Variants in MGAT4C observed in about 807,000 individuals in gnomAD.
The protein encoded by MGAT4C is MGAT4 family member C.
A neutral mutation model predicts 40.1 loss-of-function variants in MGAT4C; 19 were observed. The ratio of observed to expected loss-of-function variants is 0.47; its 90% CI spans 0.33 to 0.70. The LOEUF (loss-of-function observed/expected upper bound fraction) is 0.70, where lower values mean the gene tolerates loss of function less well. Among genes scored for constraint, MGAT4C ranks in the 30% least tolerant of loss-of-function variants. MGAT4C has a pLI of 0.02. For synonymous variants in MGAT4C, 181 were observed against 187.1 expected, an observed-to-expected ratio of 0.97 and a Z score of 0.27; for missense variants, 491 against 563.2, an observed-to-expected ratio of 0.87 and a Z score of 1.30.
chr12:86,801,860 G>A (rs115887792), intron 1 of MGAT4C, among the ~76,000 whole-genome samples: 105 of 124,806 alleles, frequency 8.4e-4, no homozygotes, highest in African/African-American at 2.6e-3. Context: ...AAAATGTTAA[G>A]GGAAATATTT....
chr12:86,805,540 C>G (rs1414974989), intron 1 of MGAT4C, among the ~76,000 whole-genome samples: 3 of 151,922 alleles, frequency 2.0e-5, no homozygotes, highest in Non-Finnish European at 4.4e-5. Context: ...CTGCAAAGGG[C>G]ATAGTTTTTT....
chr12:86,230,168 C>A (rs1188591855), intron 1 of MGAT4C, among the ~76,000 whole-genome samples: 2 of 152,026 alleles, frequency 1.3e-5, no homozygotes, highest in East Asian at 3.9e-4. Flanking sequence ...TAAAAAAGCA[C>A]TAAAAATGGT....
intron 3 of MGAT4C, among the ~76,000 whole-genome samples, chr12:86,371,104 G>A (rs369158753): frequency 2.0e-5 from 3 of 151,994 alleles, no homozygotes; most frequent in East Asian, 3.9e-4. Flanking sequence ...ACATGCCTTG[G>A]GTTAGTATTA....
intron 1 of MGAT4C, among the ~76,000 whole-genome samples, chr12:86,206,548 G>A (rs1015811176): frequency 6.6e-6 from 1 of 151,996 alleles, no homozygotes; most frequent in Non-Finnish European, 1.5e-5. Flanking sequence ...TTGTTTTCCT[G>A]TATTCCTTTC....
chr12:86,742,319 G>A (rs2136131424), intron 1 of MGAT4C, among the ~76,000 whole-genome samples: 1 of 151,570 alleles, frequency 6.6e-6, no homozygotes, highest in Non-Finnish European at 1.5e-5. Context: ...TGCATGTTCA[G>A]TATTTGTAGA....
At chr12:86,316,079 C>CAAAAAAAAAAAAAAAAAAAAAA (rs71076185) in intron 4 of MGAT4C, among the ~76,000 whole-genome samples, 2 of 34,062 alleles carry the variant, frequency 5.9e-5, no homozygotes, top group Non-Finnish European at 1.0e-4. Context: ...ATACAAGCAG[C>CAAAAAAAAAAAAAAAAAAAAAA]AAAAAAAAAA....
chr12:86,743,286 T>C (rs1440529409), intron 1 of MGAT4C, among the ~76,000 whole-genome samples: 2 of 151,608 alleles, frequency 1.3e-5, no homozygotes, highest in Non-Finnish European at 3.0e-5. Context: ...TAAAACTTTT[T>C]TAACATTAGA....
intron 3 of MGAT4C, among the ~76,000 whole-genome samples, chr12:86,434,432 A>T (rs1254370687): frequency 6.6e-6 from 1 of 151,902 alleles, no homozygotes; most frequent in Admixed American, 6.6e-5. Context: ...GTACTTATAT[A>T]CATGTGTATA....
At position 85,977,780 on chromosome 12, in the gene MGAT4C, T is replaced by TCACACACA. The variant is rs58212652; in HGVS notation, c.*1501_*1508dup. 15 of 128,554 alleles carry TCACACACA rather than the reference T, an allele frequency of 1.2e-4. No individual in the cohort carries two copies. The highest frequency in any genetic ancestry group is 2.8e-4 in the South Asian group (1 of 3,626). The allele number at this position is 128,554 out of a possible 1,614,324, so 8.0% of individuals were successfully genotyped here. On this transcript the variant is annotated 3_prime_UTR_variant, in exon 5 of 5. Transcript: ENST00000611864. ...TGTCTTACCAGCAAAAGTCTAGCCT[T>TCACACACA]CACACACACACACACACACACACAC... is the stretch of plus-strand genomic sequence containing the variant.
intron 3 of MGAT4C, among the ~76,000 whole-genome samples, chr12:86,378,915 T>C (rs1362700210): frequency 2.6e-5 from 4 of 152,134 alleles, no homozygotes; most frequent in Non-Finnish European, 4.4e-5. Context: ...TCTGCTATCT[T>C]TTGCCTGGTG....
intron 1 of MGAT4C, among the ~76,000 whole-genome samples, chr12:86,804,830 C>G (rs1012875387): frequency 3.9e-5 from 6 of 151,958 alleles, no homozygotes; most frequent in Middle Eastern, 3.4e-3. Context: ...AGAATAAATT[C>G]ACAATGTTTA....
chr12:86,034,300 A>T lies in MGAT4C; in HGVS notation c.-7+15374T>A, dbSNP rs367932982. Among the ~76,000 whole-genome samples, 1,100 of 149,596 alleles carry T rather than the reference A, an allele frequency of 7.4e-3. 33 individuals are homozygous for T. The highest frequency in any genetic ancestry group is 0.025 in the African/African-American group (1,023 of 41,326). ...TTAGGAAGGAGTCCCTTCTCTTCAA[A>T]TTTTTGGAATAGTTTCAGAAGGAAT... On this transcript the variant is annotated intron_variant, in intron 2 of 4. Coordinates refer to ENST00000611864, the MANE Select transcript of MGAT4C (RefSeq NM_001351288.2).
At chr12:86,481,733 C>T (rs2406156) in intron 2 of MGAT4C, among the ~76,000 whole-genome samples, 137,267 of 151,920 alleles carry the variant, frequency 0.9, 62,144 homozygotes, top group East Asian at 1. Flanking sequence ...AGTTTCTTTT[C>T]AACTAAAATG....
intron 4 of MGAT4C, among the ~76,000 whole-genome samples, chr12:86,305,189 C>T (rs181068134): frequency 4.7e-5 from 7 of 150,466 alleles, no homozygotes; most frequent in African/African-American, 1.8e-4. Context: ...TCTGGAATTC[C>T]AGCACTTTGG....
chr12:86,091,435 C>G (rs986083692), intron 1 of MGAT4C, among the ~76,000 whole-genome samples: 1 of 151,938 alleles, frequency 6.6e-6, no homozygotes, highest in Non-Finnish European at 1.5e-5. Context: ...TTTGATATCA[C>G]TAGCCAAATA....
rs573027651 is a variant in MGAT4C, at chr12:86,691,622, C to A, written c.-229+35587G>T. 1.7e-4 allele frequency among the ~76,000 whole-genome samples: 8 copies of A among 45,882 alleles called. No homozygotes were observed. In the South Asian group the frequency reaches 7.2e-3, roughly 42 times the overall value. 30.1% of individuals were successfully genotyped at this position (45,882 alleles called of 152,430 possible). On this transcript the variant is annotated intron_variant, in intron 2 of 7. Coordinates refer to the MGAT4C transcript ENST00000548651. ...TTAAGATAGACATTCTATATACTAG[C>A]CATCACCAGATGCAAAATAAATCAT...
chr12:86,483,456 T>C (rs1019490943), intron 2 of MGAT4C, among the ~76,000 whole-genome samples: 5 of 152,078 alleles, frequency 3.3e-5, no homozygotes, highest in Admixed American at 2.6e-4. Flanking sequence ...TGAGTGTGTA[T>C]TGTTTCTATT....
At chr12:86,630,445 AC>A (rs1463888389) in intron 2 of MGAT4C, among the ~76,000 whole-genome samples, 2 of 152,146 alleles carry the variant, frequency 1.3e-5, no homozygotes, top group Admixed American at 6.6e-5. Context: ...GCAGAGACAC[AC>A]AAAAAAAGAG....
intron 1 of MGAT4C, among the ~76,000 whole-genome samples, chr12:86,779,513 G>GA (rs1951799918): frequency 1.7e-4 from 26 of 151,910 alleles, no homozygotes; most frequent in African/African-American, 6.3e-4. Context: ...GAGGTGAGAG[G>GA]GTTGCCTGAG....
Sources: allele counts gnomAD v4.1 joint callset (sites outside exome capture counted in the v4.1 genomes callset), GRCh38; gene constraint gnomAD v4.1.1; transcripts MANE v1.5; gene names NCBI Gene and HGNC (gene_info 2026-07-23, HGNC 2026-07-21).